SPRTN: variants seen among roughly 807,000 people sequenced by gnomAD.
SPRTN encodes the protein SprT-like N-terminal domain, also known as DNA-dependent metalloprotease SPRTN.
In SPRTN, 11 loss-of-function variants were observed where a neutral mutation model predicts 31.9. That is an observed-to-expected ratio of 0.34 (90% CI 0.22 to 0.57). The LOEUF is 0.57. Among genes scored for constraint, SPRTN ranks in the 20% least tolerant of loss-of-function variants. The pLI is 0.86. For missense variants in SPRTN, 482 were observed against 590.1 expected, an observed-to-expected ratio of 0.82 and a Z score of 1.90; for synonymous variants, 185 against 212.1, an observed-to-expected ratio of 0.87 and a Z score of 1.11.
intron 2 of SPRTN, among the ~76,000 whole-genome samples, chr1:231,345,988 AT>A: frequency 6.6e-6 from 1 of 151,360 alleles, no homozygotes; most frequent in African/African-American, 2.4e-5. Context: ...TTTTATTTTT[AT>A]TTTTTTGTAG....
In SPRTN at chr1:231,339,887, T is replaced by C. The variant is rs552027191; in HGVS notation, c.321+19T>C. On this transcript the variant is annotated intron_variant, in intron 2 of 4. Coordinates refer to ENST00000295050, the MANE Select transcript of SPRTN (RefSeq NM_032018.7). ...TGTAGAGGTATTTTTCGTGTAAACTTGCTTCCTAGCGCAGTAATTTACAAA... is the reference window on the plus strand; with the variant it reads ...TGTAGAGGTATTTTTCGTGTAAACTCGCTTCCTAGCGCAGTAATTTACAAA... The C allele has an allele frequency of 6.2e-7, 1 of 1,607,708 alleles. No individual in the cohort carries two copies. The highest frequency in any genetic ancestry group is 1.7e-5 in the Admixed American group (1 of 60,014).
chr1:231,342,092 T>C lies in SPRTN; in HGVS notation c.321+2224T>C, dbSNP rs375461651. ...GACACCCAGACTCATACTTGAAGAATGTTAACACAACCTTCTTAGTAACCC... is the reference window on the plus strand; with the variant it reads ...GACACCCAGACTCATACTTGAAGAACGTTAACACAACCTTCTTAGTAACCC... On this transcript the variant is annotated intron_variant, in intron 2 of 4. Transcript: ENST00000295050. Among the ~76,000 whole-genome samples, 394 of 152,224 alleles carry C rather than the reference T, an allele frequency of 2.6e-3. 2 individuals are homozygous for C. The highest frequency in any genetic ancestry group is 4.3e-3 in the Non-Finnish European group (294 of 68,012).
rs1408521443 is a variant in SPRTN at position 231,353,145 on chromosome 1, C to A, written c.1254C>A (p.Asp418Glu). The change falls in exon 5 of 5, where the codon GAC (aspartate) becomes GAA (glutamate). Residue 418 changes from aspartate to glutamate, a missense_variant. Physicochemically the swap from Asp to Glu is conservative, Grantham distance 45. Transcript: ENST00000295050. ...RPRLEDKTVF[D>E]NFFIKKEQIK... ...GGCTAGAAGATAAGACTGTTTTTGA[C>A]AATTTTTTTATCAAGAAAGAGCAAA... 6.2e-7 allele frequency: 1 copy of A among 1,611,808 alleles called. No homozygotes were observed. The highest frequency in any genetic ancestry group is 8.5e-7 in the Non-Finnish European group (1 of 1,179,278).
chr1:231,347,903 G>A lies in SPRTN; in HGVS notation c.428G>A (p.Ser143Asn). 6.2e-7 allele frequency: 1 copy of A among 1,613,470 alleles called. No individual in the cohort carries two copies. The highest frequency in any genetic ancestry group is 8.5e-7 in the Non-Finnish European group (1 of 1,179,892). The change falls in exon 3 of 5, where the codon AGC becomes AAC. Residue 143 changes from serine to asparagine, a missense_variant. By Grantham distance (46) the Ser-to-Asn change is conservative. This residue lies in a region of SPRTN where 157 missense variants were observed against 239.9 expected (regional missense o/e 0.65). Coordinates refer to ENST00000295050, the MANE Select transcript of SPRTN (RefSeq NM_032018.7). Reference sequence around the variant, plus strand: ...TGTAAACATATGCATCGCATCAACAGCCTGACTGGAGCCAATATAACGGTA... The same window carrying A: ...TGTAAACATATGCATCGCATCAACAACCTGACTGGAGCCAATATAACGGTA... ...EFCKHMHRIN[S>N]LTGANITVYH...
chr1:231,351,041 AT>A (rs1050152531), intron 3 of SPRTN, among the ~76,000 whole-genome samples: 2 of 151,902 alleles, frequency 1.3e-5, no homozygotes, highest in African/African-American at 4.8e-5. Flanking sequence ...TTTTTAAAAG[AT>A]TTTTTTGTCC....
chr1:231,347,380 G>C (rs1030100718), intron 2 of SPRTN, among the ~76,000 whole-genome samples: 1 of 152,106 alleles, frequency 6.6e-6, no homozygotes, highest in Non-Finnish European at 1.5e-5. Context: ...GTTTTTGTGA[G>C]ACAGTGTCTC....
rs1687340909 is a variant in SPRTN, at chr1:231,354,685, G to A, written c.*1324G>A. ...GTTCATTTTCATTGCTCTTGCATTT[G>A]TATGAATATACTAGAATTTATTCAT... is the stretch of plus-strand genomic sequence containing the variant. On this transcript the variant is annotated 3_prime_UTR_variant, in exon 5 of 5. Coordinates refer to ENST00000295050, the MANE Select transcript of SPRTN (RefSeq NM_032018.7). 6.6e-6 allele frequency: 1 copy of A among 152,402 alleles called. No individual in the cohort carries two copies. The highest frequency in any genetic ancestry group is 1.5e-5 in the Non-Finnish European group (1 of 68,244). 9.4% of individuals were successfully genotyped at this position (152,402 alleles called of 1,614,324 possible).
chr1:231,348,449 A>C (rs975295276), intron 3 of SPRTN, among the ~76,000 whole-genome samples: 1 of 152,230 alleles, frequency 6.6e-6, no homozygotes, highest in Non-Finnish European at 1.5e-5. Flanking sequence ...AGTAGTAACA[A>C]TACCTATCTG....
At chr1:231,347,968 A>C (rs1343023600) in intron 3 of SPRTN, 43 bp downstream of exon 3, 1 of 1,582,168 alleles carries the variant, frequency 6.3e-7, no homozygotes, top group African/African-American at 1.4e-5. Context: ...GTAGTTGTTT[A>C]TTCAATAACT....
chr1:231,340,224 G>T (rs559255531), intron 2 of SPRTN, among the ~76,000 whole-genome samples: 1 of 152,042 alleles, frequency 6.6e-6, no homozygotes, highest in African/African-American at 2.4e-5. Flanking sequence ...AAAATTAGCC[G>T]GGCGTGGTGG....
intron 2 of SPRTN, 40 bp downstream of exon 2, chr1:231,339,908 A>T (rs1453153692): frequency 4.4e-6 from 7 of 1,575,322 alleles, no homozygotes; most frequent in Non-Finnish European, 6.1e-6. Context: ...GCAGTAATTT[A>T]CAAATACTTG....
chr1:231,346,481 C>A (rs1227118045), intron 2 of SPRTN, among the ~76,000 whole-genome samples: 1 of 150,410 alleles, frequency 6.6e-6, no homozygotes, highest in Non-Finnish European at 1.5e-5. Flanking sequence ...GTTTGTGGGT[C>A]ATTTATACTT....
In SPRTN at chr1:231,338,413, G is replaced by T. The variant is rs1052537599; in HGVS notation, c.30G>T (p.Arg10=). 2 of 1,614,274 alleles carry T rather than the reference G, an allele frequency of 1.2e-6. No homozygotes were observed. The highest frequency in any genetic ancestry group is 1.7e-6 in the Non-Finnish European group (2 of 1,180,052). The change falls in exon 1 of 5, where the codon CGG becomes CGT. Residue 10 remains arginine, a synonymous_variant. Transcript: ENST00000295050. ...ATGATGACTTGATGTTGGCACTGCG[G>T]CTTCAGGAGGAGTGGAACTTGCAGG... The part of the protein sequence containing the change: MDDDLMLAL[R]LQEEWNLQEA...
chr1:231,347,734 A>G, intron 2 of SPRTN, 63 bp from the exon 3 acceptor site: 7 of 1,535,688 alleles, frequency 4.6e-6, no homozygotes, highest in Non-Finnish European at 6.1e-6. Flanking sequence ...TAGAATAAGA[A>G]AATTTATATT....
At chr1:231,346,475 G>T (rs1033799262) in intron 2 of SPRTN, among the ~76,000 whole-genome samples, 1 of 150,316 alleles carries the variant, frequency 6.7e-6, no homozygotes, top group Non-Finnish European at 1.5e-5. Flanking sequence ...TCATTTGTTT[G>T]TGGGTCATTT....
Position 231,353,717 on chromosome 1 carries a change from T to C in SPRTN, c.*356T>C, listed in dbSNP as rs1449615264. 2 of 988,370 alleles carry C rather than the reference T, an allele frequency of 2.0e-6. No homozygotes were observed. Among genetic ancestry groups the C allele is most frequent in the Non-Finnish European group, 2.4e-6 (2 of 827,234 alleles). 61.2% of individuals were successfully genotyped at this position (988,370 alleles called of 1,614,324 possible). A position where few individuals can be genotyped will look rare whatever the true frequency, so the allele number is the denominator to read the frequency against. On this transcript the variant is annotated 3_prime_UTR_variant, in exon 5 of 5. Coordinates refer to ENST00000295050, the MANE Select transcript of SPRTN (RefSeq NM_032018.7). ...CATATGGGGAATCCTGTCAGGTGTTTGGTTATATTGACTATTTATTAATAG... is the reference window on the plus strand; with the variant it reads ...CATATGGGGAATCCTGTCAGGTGTTCGGTTATATTGACTATTTATTAATAG...
intron 3 of SPRTN, among the ~76,000 whole-genome samples, chr1:231,349,810 G>A (rs1207573093): frequency 6.6e-6 from 1 of 152,142 alleles, no homozygotes; most frequent in Non-Finnish European, 1.5e-5. Flanking sequence ...AGGTGTTTGA[G>A]ATCAGCCTGG....
At chr1:231,340,024 A>G in intron 2 of SPRTN, 156 bp downstream of exon 2, 4 of 546,474 alleles carry the variant, frequency 7.3e-6, no homozygotes, top group South Asian at 6.2e-5. Flanking sequence ...TGAACACCTT[A>G]TGTTTTTTAT....
chr1:231,352,643 T>C lies in SPRTN; in HGVS notation c.752T>C (p.Ile251Thr). Residue 251 changes from isoleucine (I) to threonine (T), a missense_variant, in exon 5 of 5, where the codon ATC becomes ACC. Ile to Thr is a moderately conservative substitution (Grantham distance 89). This residue lies in a region of SPRTN where 325 missense variants were observed against 350.2 expected (regional missense o/e 0.93). Coordinates refer to ENST00000295050, the MANE Select transcript of SPRTN (RefSeq NM_032018.7). ...KPNRGEAQLV[I>T]PFSGKGYVLG... ...AACAGAGGTGAGGCCCAGCTAGTAA[T>C]CCCTTTTAGTGGGAAAGGATATGTT... The C allele has an allele frequency of 1.9e-6, 3 of 1,603,110 alleles. No individual in the cohort carries two copies. The highest frequency in any genetic ancestry group is 2.5e-6 in the Non-Finnish European group (3 of 1,176,494).
Sources: allele counts gnomAD v4.1 joint callset (sites outside exome capture counted in the v4.1 genomes callset), GRCh38; gene constraint gnomAD v4.1.1; regional missense constraint gnomAD v4.1.1; transcripts MANE v1.5; gene names NCBI Gene and HGNC (gene_info 2026-07-23, HGNC 2026-07-21).